Variants in DNM3 observed in about 807,000 individuals in gnomAD.
DNM3 encodes dynamin-3.
Under a neutral mutation model 101.6 loss-of-function variants are expected in DNM3, and 47 were observed. The ratio of observed to expected loss-of-function variants is 0.46; its 90% confidence interval spans 0.37 to 0.59. DNM3 has a LOEUF of 0.59. DNM3 is among the 20% of genes least tolerant of loss of function. The pLI, the probability that DNM3 is intolerant of heterozygous loss-of-function variation, is 0.00. For missense variants in DNM3, 849 were observed against 1,085.7 expected, an observed-to-expected ratio of 0.78 and a Z score of 3.06; for synonymous variants, 385 against 387.9, an observed-to-expected ratio of 0.99 and a Z score of 0.09.
intron 1 of DNM3, among the ~76,000 whole-genome samples, chr1:171,913,022 T>G (rs2039430428): frequency 6.6e-6 from 1 of 152,196 alleles, no homozygotes; most frequent in Admixed American, 6.5e-5. Context: ...CATAAGCAAA[T>G]AAAATGGATT....
At chr1:172,362,804 G>T (rs992740097) in intron 17 of DNM3, among the ~76,000 whole-genome samples, 1 of 149,598 alleles carries the variant, frequency 6.7e-6, no homozygotes, top group African/African-American at 2.5e-5. Context: ...CATCCCCACA[G>T]AAAAGCTCTG....
At chr1:172,228,352 T>C (rs1466609519) in intron 14 of DNM3, among the ~76,000 whole-genome samples, 1 of 152,066 alleles carries the variant, frequency 6.6e-6, no homozygotes, top group Non-Finnish European at 1.5e-5. Context: ...AGAAGTCTGG[T>C]TTGTAATGCC....
At chr1:172,217,145 G>A (rs1413841053) in intron 14 of DNM3, among the ~76,000 whole-genome samples, 3 of 152,084 alleles carry the variant, frequency 2.0e-5, no homozygotes, top group Non-Finnish European at 4.4e-5. Flanking sequence ...CCACATAGTG[G>A]CATTTAAGAT....
Position 172,208,029 on chromosome 1 carries a change from G to A in DNM3, c.1660-45544G>A, listed in dbSNP as rs4497249. The stretch of plus-strand genomic sequence containing the variant: ...GTTTGTATAGCTTTATGTAGAAAGT[G>A]AAAAAAAAAATCCTTGCTTGTCCAA... On this transcript the variant is annotated intron_variant, in intron 14 of 20. Coordinates refer to ENST00000627582, the MANE Select transcript of DNM3 (RefSeq NM_015569.5). 3.1e-4 allele frequency among the ~76,000 whole-genome samples: 46 copies of A among 148,918 alleles called. No homozygotes were observed. In the East Asian group the frequency reaches 8.6e-3, roughly 28 times the overall value.
At chr1:172,326,907 T>A (rs2065959558) in intron 17 of DNM3, among the ~76,000 whole-genome samples, 1 of 152,070 alleles carries the variant, frequency 6.6e-6, no homozygotes, top group Non-Finnish European at 1.5e-5. Context: ...TTGTTGCTTT[T>A]AAAAAAGAAA....
At chr1:172,203,362 C>T (rs996593725) in intron 14 of DNM3, among the ~76,000 whole-genome samples, 11 of 152,064 alleles carry the variant, frequency 7.2e-5, no homozygotes, top group African/African-American at 1.4e-4. Context: ...TCAGATAAAC[C>T]GAAGCATAAA....
Position 172,411,656 on chromosome 1 carries a change from G to T in DNM3, c.*3815G>T. On this transcript the variant is annotated 3_prime_UTR_variant, in exon 21 of 21. Transcript: ENST00000627582. ...TGGAGGTAGGTCATCCACTTTTTCA[G>T]GTAAACATTTTTCATTTGGCAAATG... 1 of 985,148 alleles carries T rather than the reference G, an allele frequency of 1.0e-6. No homozygotes were observed. Among genetic ancestry groups the T allele is most frequent in the Non-Finnish European group, 1.2e-6 (1 of 829,778 alleles). The allele number at this position is 985,148 out of a possible 1,614,324, so 61.0% of individuals were successfully genotyped here.
chr1:172,231,276 G>A (rs1471369765), intron 14 of DNM3, among the ~76,000 whole-genome samples: 1 of 152,004 alleles, frequency 6.6e-6, no homozygotes, highest in Admixed American at 6.6e-5. Flanking sequence ...CCAGAGGAAC[G>A]ATCAGGCAGC....
At chr1:171,873,291 C>T (rs2035465038) in intron 1 of DNM3, among the ~76,000 whole-genome samples, 2 of 151,876 alleles carry the variant, frequency 1.3e-5, no homozygotes, top group Non-Finnish European at 2.9e-5. Flanking sequence ...GTAGGTGGTC[C>T]ATAAATGTTA....
intron 15 of DNM3, among the ~76,000 whole-genome samples, 171 bp from the exon 16 acceptor site, chr1:172,308,557 G>A (rs2064945365): frequency 6.7e-6 from 1 of 150,258 alleles, no homozygotes; most frequent in African/African-American, 2.5e-5. Context: ...GTAAATACAT[G>A]TAGAAATTCA....
At chr1:171,933,485 G>A (rs904639696) in intron 2 of DNM3, among the ~76,000 whole-genome samples, 1 of 152,182 alleles carries the variant, frequency 6.6e-6, no homozygotes, top group African/African-American at 2.4e-5. Flanking sequence ...TACACAGAAT[G>A]TTAGGTGATA....
At chr1:171,960,725 C>T (rs1320178350) in intron 2 of DNM3, among the ~76,000 whole-genome samples, 1 of 152,106 alleles carries the variant, frequency 6.6e-6, no homozygotes, top group Non-Finnish European at 1.5e-5. Flanking sequence ...GAGCACAATC[C>T]TGGCAGTCCC....
intron 14 of DNM3, among the ~76,000 whole-genome samples, chr1:172,249,514 A>G (rs978845255): frequency 2.0e-5 from 3 of 152,038 alleles, no homozygotes; most frequent in Non-Finnish European, 2.9e-5. Context: ...AAATATCTCT[A>G]TCATCCTGGA....
At chr1:172,051,629 A>T (rs1018264457) in intron 10 of DNM3, among the ~76,000 whole-genome samples, 8 of 152,172 alleles carry the variant, frequency 5.3e-5, no homozygotes, top group African/African-American at 1.9e-4. Flanking sequence ...AAATTAATGG[A>T]AAAGCTCTAT....
chr1:172,286,535 A>C (rs1235057194), intron 15 of DNM3, among the ~76,000 whole-genome samples: 1 of 152,224 alleles, frequency 6.6e-6, no homozygotes, highest in Non-Finnish European at 1.5e-5. Context: ...ATGGGAAAAT[A>C]GTTTAATGAA....
At chr1:172,308,088 G>C (rs998830657) in intron 15 of DNM3, among the ~76,000 whole-genome samples, 3 of 152,082 alleles carry the variant, frequency 2.0e-5, no homozygotes, top group African/African-American at 7.2e-5. Context: ...CTGGATGATT[G>C]TTACCACTTT....
rs565887614 is a variant in DNM3, at chr1:172,194,240, G to T, written c.1660-59333G>T. Reference sequence around the variant, plus strand: ...GGTCTGAGAGACAGTTTGTTATAAAGTCTGTTGTTTTACATTTGCTGAGGA... The same window carrying T: ...GGTCTGAGAGACAGTTTGTTATAAATTCTGTTGTTTTACATTTGCTGAGGA... On this transcript the variant is annotated intron_variant, in intron 14 of 20. Coordinates refer to ENST00000627582, the MANE Select transcript of DNM3 (RefSeq NM_015569.5). Among the ~76,000 whole-genome samples the T allele has an allele frequency of 9.9e-3, 1,502 of 151,902 alleles. 33 individuals carry two copies. Among genetic ancestry groups the T allele is most frequent in the African/African-American group, 0.034 (1,427 of 41,442 alleles).
At chr1:172,299,418 T>C (rs2064329147) in intron 15 of DNM3, among the ~76,000 whole-genome samples, 2 of 152,238 alleles carry the variant, frequency 1.3e-5, no homozygotes, top group Non-Finnish European at 1.5e-5. Flanking sequence ...TTATTTTATA[T>C]GTGCAGGTTT....
chr1:172,367,868 G>A (rs2068104029), intron 17 of DNM3, among the ~76,000 whole-genome samples: 3 of 151,790 alleles, frequency 2.0e-5, no homozygotes. Flanking sequence ...TCTTGGGAGG[G>A]ACCTGGTAGA....
Sources: allele counts gnomAD v4.1 joint callset (sites outside exome capture counted in the v4.1 genomes callset), GRCh38; gene constraint gnomAD v4.1.1; transcripts MANE v1.5; gene names NCBI Gene and HGNC (gene_info 2026-07-23, HGNC 2026-07-21).